The following RUNX3 variants were observed in gnomAD, a reference collection of about 807,000 sequenced individuals.
The protein encoded by RUNX3 is runt-related transcription factor 3.
In RUNX3, 10 loss-of-function variants were observed where a neutral mutation model predicts 27.7. The ratio of observed to expected loss-of-function variants is 0.36; its 90% confidence interval spans 0.22 to 0.61. The LOEUF is 0.61. Among genes scored for constraint, RUNX3 ranks in the 20% least tolerant of loss-of-function variants. The pLI, the probability that RUNX3 is intolerant of heterozygous loss-of-function variation, is 0.72. For missense variants in RUNX3, 469 were observed against 629.5 expected (o/e 0.75, Z 2.73); for synonymous variants, 270 against 269.2 (o/e 1.00, Z -0.03).
At chr1:24,913,016 G>A (rs745713468) in intron 3 of RUNX3, among the ~76,000 whole-genome samples, 4 of 152,162 alleles carry the variant, frequency 2.6e-5, no homozygotes, top group Non-Finnish European at 5.9e-5. Flanking sequence ...GGTTGAGAGT[G>A]CAATTTCCAA....
At chr1:24,963,320 G>A (rs1642168966) in intron 2 of RUNX3, among the ~76,000 whole-genome samples, 1 of 152,188 alleles carries the variant, frequency 6.6e-6, no homozygotes, top group Admixed American at 6.5e-5. Flanking sequence ...TGAATCACTC[G>A]GTCAGCCAGC....
chr1:24,949,686 C>A (rs975627850), intron 2 of RUNX3, among the ~76,000 whole-genome samples: 2 of 152,268 alleles, frequency 1.3e-5, no homozygotes, highest in Non-Finnish European at 2.9e-5. Context: ...CCAAGGCCAG[C>A]AGCCCACCTC....
At chr1:24,932,543 C>A (rs1244908721), upstream of RUNX3, among the ~76,000 whole-genome samples, 4 of 152,198 alleles carry the variant, frequency 2.6e-5, no homozygotes, top group African/African-American at 7.2e-5. Flanking sequence ...GCCATCCATG[C>A]GGCCAGGTCT....
intron 1 of RUNX3, 21 bp downstream of exon 1, chr1:24,929,566 C>A: frequency 1.3e-6 from 2 of 1,591,002 alleles, no homozygotes; most frequent in Non-Finnish European, 1.7e-6. Flanking sequence ...GGCGCCCTCC[C>A]GCCCCGGGTC....
At chr1:24,931,944 G>C (rs902917847), upstream of RUNX3, among the ~76,000 whole-genome samples, 18 of 152,360 alleles carry the variant, frequency 1.2e-4, no homozygotes, top group African/African-American at 4.1e-4. Context: ...ACGAGCAGCA[G>C]AACTAGAGGA....
At position 24,901,665 on chromosome 1, in the gene RUNX3, A is replaced by C. The variant is rs1483178766; in HGVS notation, c.*457T>G. The C allele has an allele frequency of 6.1e-6, 1 of 164,228 alleles. No individual in the cohort carries two copies. The highest frequency in any genetic ancestry group is 2.4e-5 in the African/African-American group (1 of 41,676). 10.2% of individuals were successfully genotyped at this position (164,228 alleles called of 1,614,324 possible). On this transcript the variant is annotated 3_prime_UTR_variant, in exon 5 of 5. Transcript: ENST00000308873. ...TGTAAATGCAGAGGGGGCTGGACCC[A>C]GGGGATGCAGGGGCTCCAACGAAGG...
upstream of RUNX3, among the ~76,000 whole-genome samples, chr1:24,931,076 GTTT>G (rs1168788417): frequency 2.6e-5 from 4 of 152,196 alleles, no homozygotes; most frequent in African/African-American, 7.2e-5. Flanking sequence ...TGCAAAATGC[GTTT>G]TTCTTTTTTT....
chr1:24,957,915 C>T (rs1571367064), intron 2 of RUNX3, among the ~76,000 whole-genome samples: 1 of 152,382 alleles, frequency 6.6e-6, no homozygotes, highest in East Asian at 1.9e-4. Flanking sequence ...TGCTTTCTCT[C>T]CGAAGAGTGC....
chr1:24,936,044 G>A (rs1641343422), intron 2 of RUNX3, among the ~76,000 whole-genome samples: 1 of 152,194 alleles, frequency 6.6e-6, no homozygotes, highest in Non-Finnish European at 1.5e-5. Flanking sequence ...AGAGCTACCT[G>A]CCAGCAGAGC....
intron 2 of RUNX3, among the ~76,000 whole-genome samples, chr1:24,925,672 C>T (rs953506250): frequency 6.6e-6 from 1 of 152,178 alleles, no homozygotes; most frequent in South Asian, 2.1e-4. Context: ...GAAGGCTGAA[C>T]GCCTTAGCCA....
At chr1:24,949,145 G>A (rs1641692263) in intron 2 of RUNX3, among the ~76,000 whole-genome samples, 1 of 151,918 alleles carries the variant, frequency 6.6e-6, no homozygotes, top group South Asian at 2.1e-4. Context: ...CATTTCCCAC[G>A]GGCGGCTGTG....
At chr1:24,961,238 T>G (rs1557865377) in intron 2 of RUNX3, 1 of 152,252 alleles carries the variant, frequency 6.6e-6, no homozygotes, top group Non-Finnish European at 1.5e-5. Flanking sequence ...TCTCCCTTGC[T>G]GCCTTGAAGG....
At chr1:24,917,390 T>C (rs1401316994) in intron 3 of RUNX3, among the ~76,000 whole-genome samples, 10 of 152,058 alleles carry the variant, frequency 6.6e-5, no homozygotes, top group Non-Finnish European at 7.4e-5. Flanking sequence ...ATGGTGGTGG[T>C]GGGAGTGCAG....
At chr1:24,951,854 G>T (rs532595427) in intron 2 of RUNX3, among the ~76,000 whole-genome samples, 3 of 152,158 alleles carry the variant, frequency 2.0e-5, no homozygotes, top group African/African-American at 7.2e-5. Flanking sequence ...GTCTTATAGG[G>T]TTGTGAGGAT....
In RUNX3 at chr1:24,929,936, G is replaced by A; in HGVS notation, c.-68C>T. On this transcript the variant is annotated 5_prime_UTR_variant, in exon 1 of 5. Transcript: ENST00000308873. ...CTTCCCCCGGGGGCGGCCGGCGCGG[G>A]CGCCTCCTCGGCCGCCGCTGCCGCG... is the stretch of plus-strand genomic sequence containing the variant. The A allele has an allele frequency of 8.2e-7, 1 of 1,220,374 alleles. No individual in the cohort carries two copies. The highest frequency in any genetic ancestry group is 1.0e-6 in the Non-Finnish European group (1 of 982,060). 75.6% of individuals were successfully genotyped at this position (1,220,374 alleles called of 1,614,324 possible). A position where few individuals can be genotyped will look rare whatever the true frequency, so the allele number is the denominator to read the frequency against.
At chr1:24,931,857 C>A (rs1641237373), upstream of RUNX3, among the ~76,000 whole-genome samples, 1 of 152,238 alleles carries the variant, frequency 6.6e-6, no homozygotes, top group Admixed American at 6.5e-5. Context: ...AGGTCCCTTA[C>A]TGAACCTTTT....
At chr1:24,907,640 C>T (rs1249671467) in intron 3 of RUNX3, among the ~76,000 whole-genome samples, 4 of 152,142 alleles carry the variant, frequency 2.6e-5, no homozygotes, top group African/African-American at 9.7e-5. Flanking sequence ...CTACAACACA[C>T]GGTGATCCAA....
chr1:24,930,619 C>T (rs1641205861), upstream of RUNX3, among the ~76,000 whole-genome samples: 1 of 151,904 alleles, frequency 6.6e-6, no homozygotes, highest in Non-Finnish European at 1.5e-5. The surrounding 1 kb of genome is among the most constrained non-coding windows in gnomAD (Gnocchi z 4.1). Flanking sequence ...CCCTTCGCTC[C>T]TCCTCCCCGC....
intron 2 of RUNX3, among the ~76,000 whole-genome samples, chr1:24,937,596 C>T (rs1641377801): frequency 6.6e-6 from 1 of 152,212 alleles, no homozygotes; most frequent in Non-Finnish European, 1.5e-5. Context: ...CTCAGGTCTC[C>T]CTGACTCCAA....
Sources: allele counts gnomAD v4.1 joint callset (sites outside exome capture counted in the v4.1 genomes callset), GRCh38; gene constraint gnomAD v4.1.1; non-coding constraint Gnocchi (gnomAD v3.1); transcripts MANE v1.5; gene names NCBI Gene and HGNC (gene_info 2026-07-23, HGNC 2026-07-21).